Variants in ATP2C1 observed in about 807,000 individuals in gnomAD.
The protein encoded by ATP2C1 is calcium-transporting ATPase type 2C member 1.
A neutral mutation model predicts 120.5 loss-of-function variants in ATP2C1; 31 were observed. That is an observed-to-expected ratio of 0.26 (90% CI 0.19 to 0.35). ATP2C1 has a LOEUF of 0.35. Ranked by LOEUF, ATP2C1 falls within the 10% of genes least tolerant of loss-of-function variation. The pLI, the probability that ATP2C1 is intolerant of heterozygous loss-of-function variation, is 1.00. For missense variants in ATP2C1, 731 were observed against 1,107.5 expected (o/e 0.66, Z 4.83); for synonymous variants, 351 against 358.7 (o/e 0.98, Z 0.24).
chr3:130,877,348 G>C (rs2068635653), intron 1 of ATP2C1, among the ~76,000 whole-genome samples: 1 of 152,170 alleles, frequency 6.6e-6, no homozygotes, highest in Non-Finnish European at 1.5e-5. Context: ...AGAGTGAACA[G>C]GCAACCTACA....
At position 130,978,245 on chromosome 3, in the gene ATP2C1, T is replaced by A. The variant is rs752447361; in HGVS notation, c.1571-1004T>A. 1.6e-4 allele frequency among the ~76,000 whole-genome samples: 25 copies of A among 152,120 alleles called. 1 individual carries two copies. The highest frequency in any genetic ancestry group is 3.1e-4 in the Non-Finnish European group (21 of 67,992). On this transcript the variant is annotated intron_variant, in intron 18 of 27. Transcript: ENST00000510168. ...AATAATTAGGTATATGACTCTTACT[T>A]TGGAAAAATAGAATTACTTGCTTTT...
intron 2 of ATP2C1, among the ~76,000 whole-genome samples, chr3:130,920,941 GT>G (rs2058930351): frequency 6.6e-6 from 1 of 151,798 alleles, no homozygotes; most frequent in Admixed American, 6.6e-5. Flanking sequence ...AAATGAGATT[GT>G]TTTCCTAATG....
upstream of ATP2C1, among the ~76,000 whole-genome samples, chr3:130,891,097 A>C (rs561345083): frequency 6.6e-6 from 1 of 152,316 alleles, no homozygotes; most frequent in African/African-American, 2.4e-5. Flanking sequence ...AAATAAATAA[A>C]ATGTTCAACT....
At chr3:130,855,273 C>T (rs564585110) in intron 1 of ATP2C1, among the ~76,000 whole-genome samples, 36 of 152,090 alleles carry the variant, frequency 2.4e-4, no homozygotes, top group South Asian at 1.0e-3. Flanking sequence ...TAGCTCAATG[C>T]GGGGAATATG....
chr3:130,963,691 G>A lies in ATP2C1; in HGVS notation c.900-280G>A, dbSNP rs1379106682. 7 of 415,246 alleles carry A rather than the reference G, an allele frequency of 1.7e-5. No homozygotes were observed. The Admixed American group carries it at 1.8e-4, about 11-fold the overall frequency. 25.7% of individuals were successfully genotyped at this position (415,246 alleles called of 1,614,324 possible). Reference sequence around the variant, plus strand: ...GACAGTAAACTACAGAGCTAGATTAGTAAGTAGCCCAGGATCACACAAGTA... The same window carrying A: ...GACAGTAAACTACAGAGCTAGATTAATAAGTAGCCCAGGATCACACAAGTA... On this transcript the variant is annotated intron_variant, in intron 12 of 27. Coordinates refer to ENST00000510168, the MANE Select transcript of ATP2C1 (RefSeq NM_001378687.1).
At chr3:130,965,432 A>G (rs1425664066) in intron 14 of ATP2C1, among the ~76,000 whole-genome samples, 2 of 152,032 alleles carry the variant, frequency 1.3e-5, no homozygotes, top group African/African-American at 4.8e-5. Flanking sequence ...CCCTCACTCC[A>G]TAAGCAGTTT....
chr3:130,954,903 G>T, intron 9 of ATP2C1, 109 bp from the exon 10 acceptor site: 1 of 776,330 alleles, frequency 1.3e-6, no homozygotes, highest in South Asian at 1.4e-5. Context: ...GTGTATGTTA[G>T]ACATCTTCAC....
At chr3:131,013,921 T>A in intron 26 of ATP2C1, 1 of 592,210 alleles carries the variant, frequency 1.7e-6, no homozygotes, top group Non-Finnish European at 2.8e-6. Context: ...CAAAATAACT[T>A]GGAATTCAGA....
chr3:130,900,025 G>T (rs891285261), intron 2 of ATP2C1, among the ~76,000 whole-genome samples: 1 of 151,934 alleles, frequency 6.6e-6, no homozygotes, highest in African/African-American at 2.4e-5. Context: ...CGTTAATTTA[G>T]TATGACATCC....
At chr3:130,888,396 T>G (rs1318817122) in intron 1 of ATP2C1, among the ~76,000 whole-genome samples, 1 of 152,130 alleles carries the variant, frequency 6.6e-6, no homozygotes, top group African/African-American at 2.4e-5. Context: ...GCACTAGAAG[T>G]TGCCTAAGAA....
intron 2 of ATP2C1, chr3:130,918,405 AC>A: frequency 8.5e-7 from 1 of 1,183,088 alleles, no homozygotes; most frequent in Non-Finnish European, 1.3e-6. Context: ...AGCTCCAGTT[AC>A]CTTCTCAGCA....
chr3:130,865,956 T>G (rs569974602), intron 1 of ATP2C1, among the ~76,000 whole-genome samples: 4 of 152,316 alleles, frequency 2.6e-5, no homozygotes, highest in African/African-American at 9.6e-5. Context: ...TATATTGACC[T>G]TTTTTGCTGA....
chr3:130,932,382 G>A (rs2059487032), intron 4 of ATP2C1, among the ~76,000 whole-genome samples: 1 of 152,086 alleles, frequency 6.6e-6, no homozygotes, highest in Non-Finnish European at 1.5e-5. Flanking sequence ...ACTGTTGACA[G>A]TAGTGTCCTT....
At chr3:130,941,055 C>G (rs553086117) in intron 7 of ATP2C1, among the ~76,000 whole-genome samples, 1 of 151,758 alleles carries the variant, frequency 6.6e-6, no homozygotes, top group African/African-American at 2.4e-5. Flanking sequence ...GCTGGGACTA[C>G]AGGTGCCTGC....
chr3:130,900,177 C>T (rs562172830), intron 2 of ATP2C1, among the ~76,000 whole-genome samples: 17 of 152,148 alleles, frequency 1.1e-4, no homozygotes, highest in African/African-American at 4.1e-4. Flanking sequence ...ATCTCCCTGC[C>T]TTAGCCTCCT....
chr3:130,930,669 A>G, intron 3 of ATP2C1, 143 bp downstream of exon 3: 1 of 706,110 alleles, frequency 1.4e-6, no homozygotes, highest in South Asian at 1.5e-5. Context: ...CACAAGTTGA[A>G]CAGGACTGTT....
At chr3:130,952,845 CT>C (rs2060424170) in intron 8 of ATP2C1, among the ~76,000 whole-genome samples, 1 of 152,136 alleles carries the variant, frequency 6.6e-6, no homozygotes, top group South Asian at 2.1e-4. Flanking sequence ...GTTAGGTTTA[CT>C]TTTTCCACCC....
At chr3:130,934,779 G>C in intron 5 of ATP2C1, 68 bp downstream of exon 5, 1 of 1,111,210 alleles carries the variant, frequency 9.0e-7, no homozygotes, top group Non-Finnish European at 1.3e-6. Context: ...TTTTTATTTT[G>C]GAAAATAAAT....
intron 1 of ATP2C1, among the ~76,000 whole-genome samples, chr3:130,877,159 G>A (rs769031396): frequency 1.3e-4 from 20 of 152,166 alleles, no homozygotes; most frequent in Non-Finnish European, 2.4e-4. Flanking sequence ...TATACTTTTG[G>A]TTTTCATTTG....
Sources: gnomAD v4.1 joint callset for allele counts (sites outside exome capture counted in the v4.1 genomes callset) on GRCh38, gnomAD v4.1.1 for gene constraint, MANE v1.5 for transcripts, NCBI Gene and HGNC (gene_info 2026-07-23, HGNC 2026-07-21) for gene names.